The following GSE1 variants were observed in gnomAD, a reference collection of about 807,000 sequenced individuals.
The protein encoded by GSE1 is genetic suppressor element 1.
A neutral mutation model predicts 112.6 loss-of-function variants in GSE1; 32 were observed. That is an observed-to-expected ratio of 0.28 (90% CI 0.21 to 0.38). The LOEUF is 0.38. Among genes scored for constraint, GSE1 ranks in the 10% least tolerant of loss-of-function variants. GSE1 has a pLI of 1.00. For missense variants in GSE1, 2,348 were observed against 1,699.2 expected (o/e 1.38, Z -6.71); for synonymous variants, 1,115 against 735.6 (o/e 1.52, Z -8.35).
chr16:85,603,396 A>AG (rs1204784832), intron 1 of GSE1, among the ~76,000 whole-genome samples: 1 of 152,232 alleles, frequency 6.6e-6, no homozygotes, highest in Non-Finnish European at 1.5e-5. Flanking sequence ...ACAGCCCGAA[A>AG]GGGAGTTTCC....
chr16:85,632,407 G>C (rs753348983), intron 1 of GSE1, among the ~76,000 whole-genome samples: 1 of 152,076 alleles, frequency 6.6e-6, no homozygotes, highest in African/African-American at 2.4e-5. Context: ...TGCCCCCAAA[G>C]AATTATTTTC....
chr16:85,278,203 C>T (rs1041707770), intron 1 of GSE1, among the ~76,000 whole-genome samples: 2 of 152,190 alleles, frequency 1.3e-5, no homozygotes, highest in Admixed American at 6.5e-5. Context: ...CCTCCTGCAG[C>T]GTCAGGGGGC....
chr16:85,254,007 C>A (rs1906797772), intron 1 of GSE1, among the ~76,000 whole-genome samples: 1 of 152,128 alleles, frequency 6.6e-6, no homozygotes, highest in African/African-American at 2.4e-5. Flanking sequence ...GGAGCTGGAG[C>A]AAAAATAGAG....
chr16:85,330,692 A>T (rs767515402), intron 1 of GSE1, among the ~76,000 whole-genome samples: 16 of 152,208 alleles, frequency 1.1e-4, no homozygotes, highest in Non-Finnish European at 1.8e-4. Flanking sequence ...AAAATGTTTC[A>T]TAATTAAACT....
chr16:85,237,247 C>T (rs376619500), intron 1 of GSE1, among the ~76,000 whole-genome samples: 52 of 152,134 alleles, frequency 3.4e-4, no homozygotes, highest in African/African-American at 1.1e-3. Flanking sequence ...GACTTGTACC[C>T]GGGAGCTGGA....
intron 1 of GSE1, among the ~76,000 whole-genome samples, chr16:85,587,168 A>ACCCC (rs71153805): frequency 8.6e-6 from 1 of 116,806 alleles, no homozygotes; most frequent in African/African-American, 3.1e-5. Flanking sequence ...TGAGGACGAA[A>ACCCC]CCCCCCCCCC....
intron 1 of GSE1, among the ~76,000 whole-genome samples, chr16:85,286,792 G>C (rs2045041340): frequency 6.6e-6 from 1 of 152,084 alleles, no homozygotes; most frequent in East Asian, 1.9e-4. Flanking sequence ...AGTCAGACGA[G>C]TTCGTATGAT....
intron 2 of GSE1, among the ~76,000 whole-genome samples, chr16:85,641,172 G>A (rs537209191): frequency 6.8e-4 from 104 of 152,360 alleles, no homozygotes; most frequent in African/African-American, 2.1e-3. Context: ...CCCTGTGCCC[G>A]TTTCTTCTTC....
chr16:85,187,661 C>T lies in GSE1; in HGVS notation c.2283+15854C>T, dbSNP rs552370673. On this transcript the variant is annotated intron_variant, in intron 1 of 2. Transcript: ENST00000637419. The stretch of plus-strand genomic sequence containing the variant: ...CTAAGGGTGTGCGGACATCAGGCCT[C>T]GCCCCCACCTGCTCCTACCTGGGTG... Among the ~76,000 whole-genome samples the T allele has an allele frequency of 2.2e-4, 34 of 152,272 alleles. No homozygotes were observed. In the South Asian group the frequency reaches 3.5e-3, roughly 16 times the overall value.
At chr16:85,475,730 AAG>A (rs2050431347) in intron 2 of GSE1, among the ~76,000 whole-genome samples, 1 of 152,006 alleles carries the variant, frequency 6.6e-6, no homozygotes, top group Non-Finnish European at 1.5e-5. Flanking sequence ...ACTGGGAAGA[AAG>A]AGGAGGCAGG....
At chr16:85,400,095 C>A (rs777034075) in intron 2 of GSE1, among the ~76,000 whole-genome samples, 4 of 152,238 alleles carry the variant, frequency 2.6e-5, no homozygotes, top group Non-Finnish European at 5.9e-5. Flanking sequence ...CTGACACCTG[C>A]GTCTTCGCCG....
chr16:85,347,548 C>T (rs901219218), intron 1 of GSE1, among the ~76,000 whole-genome samples: 1 of 152,180 alleles, frequency 6.6e-6, no homozygotes, highest in African/African-American at 2.4e-5. Flanking sequence ...GATGGATCCC[C>T]GCTTTCTAGT....
intron 1 of GSE1, among the ~76,000 whole-genome samples, chr16:85,324,558 A>G (rs2046186436): frequency 6.6e-6 from 1 of 152,142 alleles, no homozygotes; most frequent in African/African-American, 2.4e-5. Context: ...TCGGTTCCAC[A>G]AAAGCCTGTG....
intron 1 of GSE1, among the ~76,000 whole-genome samples, chr16:85,256,504 T>A (rs1907093398): frequency 6.6e-6 from 1 of 152,196 alleles, no homozygotes; most frequent in Non-Finnish European, 1.5e-5. Context: ...GCTGAGGTGC[T>A]CACTCGGGGT....
chr16:85,341,217 C>T (rs1567699695), intron 1 of GSE1, among the ~76,000 whole-genome samples: 1 of 150,838 alleles, frequency 6.6e-6, no homozygotes, highest in African/African-American at 2.4e-5. Flanking sequence ...TTTAAATAAA[C>T]AGGGTGTTGT....
chr16:85,314,648 CT>C (rs970501712), intron 1 of GSE1, among the ~76,000 whole-genome samples: 1 of 152,228 alleles, frequency 6.6e-6, no homozygotes, highest in African/African-American at 2.4e-5. Context: ...ACCTGCTCCC[CT>C]GGCAGGCTCC....
intron 1 of GSE1, among the ~76,000 whole-genome samples, chr16:85,334,506 C>A (rs2046442282): frequency 6.6e-6 from 1 of 152,258 alleles, no homozygotes; most frequent in African/African-American, 2.4e-5. Context: ...TCTCTCCTGT[C>A]TGTCCCCAGG....
At chr16:85,564,551 T>A (rs1296677336) in intron 1 of GSE1, among the ~76,000 whole-genome samples, 1 of 151,970 alleles carries the variant, frequency 6.6e-6, no homozygotes. Flanking sequence ...ACATTTGAGC[T>A]CTCCTTTCTA....
intron 2 of GSE1, among the ~76,000 whole-genome samples, chr16:85,361,872 A>G (rs1319929626): frequency 6.6e-6 from 1 of 152,228 alleles, no homozygotes; most frequent in East Asian, 1.9e-4. Context: ...CTCCCGGGGC[A>G]GCCCACAGAG....
Sources: gnomAD v4.1 joint callset for allele counts (sites outside exome capture counted in the v4.1 genomes callset) on GRCh38, gnomAD v4.1.1 for gene constraint, MANE v1.5 for transcripts, NCBI Gene and HGNC (gene_info 2026-07-23, HGNC 2026-07-21) for gene names.